CADM2: variants seen among roughly 807,000 people sequenced by gnomAD.
The protein encoded by CADM2 is immunoglobulin superfamily member 4D.
CADM2 carries 12 observed loss-of-function variants against 49.8 expected under a neutral mutation model. That is an observed-to-expected ratio of 0.24 (90% CI 0.15 to 0.39). The LOEUF (loss-of-function observed/expected upper bound fraction) is 0.39, where lower values mean the gene tolerates loss of function less well. Among genes scored for constraint, CADM2 ranks in the 10% least tolerant of loss-of-function variants. CADM2 has a pLI of 1.00. For synonymous variants in CADM2, 214 were observed against 175.4 expected, an observed-to-expected ratio of 1.22 and a Z score of -1.74; for missense variants, 378 against 492.3, an observed-to-expected ratio of 0.77 and a Z score of 2.20.
chr3:85,778,275 G>A (rs1056923822), intron 2 of CADM2, among the ~76,000 whole-genome samples: 5 of 152,096 alleles, frequency 3.3e-5, no homozygotes, highest in African/African-American at 4.8e-5. Flanking sequence ...ATGTGTATAT[G>A]TGGATATACA....
chr3:84,965,220 A>AG (rs1406472979), intron 1 of CADM2, among the ~76,000 whole-genome samples: 1 of 152,220 alleles, frequency 6.6e-6, no homozygotes, highest in Non-Finnish European at 1.5e-5. Context: ...GTATCAAGAA[A>AG]GGCATCTTCT....
At chr3:85,169,588 A>T (rs1412538722) in intron 1 of CADM2, among the ~76,000 whole-genome samples, 1 of 151,976 alleles carries the variant, frequency 6.6e-6, no homozygotes. Context: ...CCTGGCCAAC[A>T]TGGTGAAATC....
Position 84,959,367 on chromosome 3 carries a change from C to T in CADM2, c.-241C>T. On this transcript the variant is annotated 5_prime_UTR_variant, in exon 1 of 10. Coordinates refer to ENST00000383699, the MANE Select transcript of CADM2 (RefSeq NM_001167675.2). Reference sequence around the variant, plus strand: ...TGGAAGACGGGCTGTCGCGGCTGCACCACCAGCAGGAGGAGGAGGAGAAGA... The same window carrying T: ...TGGAAGACGGGCTGTCGCGGCTGCATCACCAGCAGGAGGAGGAGGAGAAGA... 1 of 569,908 alleles carries T rather than the reference C, an allele frequency of 1.8e-6. No individual in the cohort carries two copies. Among genetic ancestry groups the T allele is most frequent in the South Asian group, 2.1e-5 (1 of 48,068 alleles). The allele number at this position is 569,908 out of a possible 1,614,324, so 35.3% of individuals were successfully genotyped here.
At position 85,107,956 on chromosome 3, in the gene CADM2, C is replaced by G. The variant is rs539807778; in HGVS notation, c.61+148288C>G. Among the ~76,000 whole-genome samples the G allele has an allele frequency of 8.3e-4, 127 of 152,162 alleles. 1 individual carries two copies. Among genetic ancestry groups the G allele is most frequent in the Middle Eastern group, 3.4e-3 (1 of 294 alleles). On this transcript the variant is annotated intron_variant, in intron 1 of 9. Coordinates refer to ENST00000383699, the MANE Select transcript of CADM2 (RefSeq NM_001167675.2). ...ACTTCAGGTGATCCACCCACCTTGGCCTCCCAAAGTTCCTGGATAACAGGT... is the reference window on the plus strand; with the variant it reads ...ACTTCAGGTGATCCACCCACCTTGGGCTCCCAAAGTTCCTGGATAACAGGT...
intron 1 of CADM2, among the ~76,000 whole-genome samples, chr3:85,595,705 T>C (rs77423946): frequency 0.011 from 1,673 of 152,118 alleles, 13 homozygotes; most frequent in Non-Finnish European, 0.017. Context: ...TCTGAATCTC[T>C]TCTGTCACAA....
chr3:85,081,019 C>A (rs2037142324), intron 1 of CADM2, among the ~76,000 whole-genome samples: 1 of 151,920 alleles, frequency 6.6e-6, no homozygotes, highest in African/African-American at 2.4e-5. Flanking sequence ...TGAGTCAGTA[C>A]CCACAATTTA....
At chr3:85,290,871 A>C (rs1490835093) in intron 1 of CADM2, among the ~76,000 whole-genome samples, 2 of 152,242 alleles carry the variant, frequency 1.3e-5, no homozygotes, top group Admixed American at 6.5e-5. Flanking sequence ...AACTCTAAAA[A>C]GCAGAGCGCC....
At chr3:85,562,878 T>A (rs1317671574) in intron 1 of CADM2, among the ~76,000 whole-genome samples, 1 of 152,134 alleles carries the variant, frequency 6.6e-6, no homozygotes, top group African/African-American at 2.4e-5. Context: ...CTGGTATGCA[T>A]AAATACCTAA....
intron 1 of CADM2, among the ~76,000 whole-genome samples, chr3:85,260,575 T>C (rs1182281282): frequency 2.0e-5 from 3 of 152,182 alleles, no homozygotes; most frequent in Non-Finnish European, 4.4e-5. Flanking sequence ...CTCCATGAAA[T>C]ACATGGTGCC....
At chr3:84,998,763 C>T (rs976465046) in intron 1 of CADM2, among the ~76,000 whole-genome samples, 2 of 152,058 alleles carry the variant, frequency 1.3e-5, no homozygotes, top group African/African-American at 4.8e-5. Flanking sequence ...TGATCAGGGG[C>T]AGGTAGCCAG....
intron 2 of CADM2, among the ~76,000 whole-genome samples, chr3:85,740,147 T>C (rs2068321093): frequency 6.6e-6 from 1 of 152,190 alleles, no homozygotes; most frequent in Non-Finnish European, 1.5e-5. Context: ...TTGGCATGCA[T>C]GATCAAGTGG....
At chr3:85,836,526 G>A (rs536574244) in intron 3 of CADM2, among the ~76,000 whole-genome samples, 81 of 151,720 alleles carry the variant, frequency 5.3e-4, no homozygotes, top group African/African-American at 1.9e-3. Context: ...TACTCTCTGT[G>A]TTTGAGAGCA....
intron 1 of CADM2, among the ~76,000 whole-genome samples, chr3:85,038,225 T>A (rs1420959347): frequency 6.6e-6 from 1 of 152,362 alleles, no homozygotes; most frequent in Non-Finnish European, 1.5e-5. Context: ...ATCATCATTT[T>A]GTGAGACCTG....
chr3:85,855,940 T>A (rs926866084), intron 3 of CADM2, among the ~76,000 whole-genome samples: 1 of 152,158 alleles, frequency 6.6e-6, no homozygotes, highest in Non-Finnish European at 1.5e-5. Flanking sequence ...AATATTTTAA[T>A]CTTAACTAAT....
intron 1 of CADM2, among the ~76,000 whole-genome samples, chr3:85,083,001 C>T (rs547253269): frequency 2.0e-5 from 3 of 152,042 alleles, no homozygotes; most frequent in Non-Finnish European, 4.4e-5. Flanking sequence ...TTTACAACTT[C>T]GAGAATGCTG....
At chr3:85,456,816 C>G (rs1358525151) in intron 1 of CADM2, among the ~76,000 whole-genome samples, 1 of 149,386 alleles carries the variant, frequency 6.7e-6, no homozygotes, top group Non-Finnish European at 1.5e-5. Flanking sequence ...TAAGTAAAAA[C>G]AACTATGTGT....
At chr3:85,329,057 TACAATTTGGACAC>T (rs2044835256) in intron 1 of CADM2, among the ~76,000 whole-genome samples, 1 of 152,150 alleles carries the variant, frequency 6.6e-6, no homozygotes, top group South Asian at 2.1e-4. Flanking sequence ...TATAAAATGT[TACAATTTGGACAC>T]AGAAAAATAA....
rs73147135 is a variant in CADM2 at position 85,858,298 on chromosome 3, A to T, written c.239-24993A>T. Reference sequence around the variant, plus strand: ...TGTTCATTAACCCTTGAGGAATTATAACTTTGTTTATCCGATTATATTACA... The same window carrying T: ...TGTTCATTAACCCTTGAGGAATTATTACTTTGTTTATCCGATTATATTACA... On this transcript the variant is annotated intron_variant, in intron 3 of 9. Coordinates refer to ENST00000383699, the MANE Select transcript of CADM2 (RefSeq NM_001167675.2). 9.2e-3 allele frequency among the ~76,000 whole-genome samples: 1,402 copies of T among 152,320 alleles called. 15 individuals are homozygous for T. The highest frequency in any genetic ancestry group is 0.041 in the Middle Eastern group (12 of 294).
chr3:85,772,335 G>A (rs1277322308), intron 2 of CADM2, among the ~76,000 whole-genome samples: 1 of 151,828 alleles, frequency 6.6e-6, no homozygotes, highest in African/African-American at 2.4e-5. Context: ...TCGAATATTG[G>A]AATTTTCTTT....
Sources: allele counts gnomAD v4.1 joint callset (sites outside exome capture counted in the v4.1 genomes callset), GRCh38; gene constraint gnomAD v4.1.1; transcripts MANE v1.5; gene names NCBI Gene and HGNC (gene_info 2026-07-23, HGNC 2026-07-21).